RFC1: variants seen among roughly 807,000 people sequenced by gnomAD.
RFC1 encodes A1 140 kDa subunit.
In RFC1, 37 loss-of-function variants were observed where a neutral mutation model predicts 137.4. The ratio of observed to expected loss-of-function variants is 0.27; its 90% CI spans 0.21 to 0.35. RFC1 has a LOEUF of 0.35. Ranked by LOEUF, RFC1 falls within the 10% of genes least tolerant of loss-of-function variation. The pLI, the probability that RFC1 is intolerant of heterozygous loss-of-function variation, is 1.00. For synonymous variants in RFC1, 429 were observed against 455.7 expected, an observed-to-expected ratio of 0.94 and a Z score of 0.75; for missense variants, 1,205 against 1,358.5, an observed-to-expected ratio of 0.89 and a Z score of 1.78.
intron 9 of RFC1, 24 bp downstream of exon 9, chr4:39,320,359 A>T (rs775958290): frequency 6.8e-5 from 100 of 1,467,456 alleles, no homozygotes; most frequent in Non-Finnish European, 8.1e-5. Context: ...CAAAAAAAAA[A>T]AAAAAAAAAA....
chr4:39,359,583 G>C (rs1741645769), intron 1 of RFC1, among the ~76,000 whole-genome samples: 1 of 152,122 alleles, frequency 6.6e-6, no homozygotes. Flanking sequence ...AGCACTTTAG[G>C]AGGCCGAGGC....
rs764898433 is a variant in RFC1, at chr4:39,342,517, T to C, written c.209-50A>G. 11 of 1,567,558 alleles carry C rather than the reference T, an allele frequency of 7.0e-6. No individual in the cohort carries two copies. The South Asian group carries it at 1.0e-4, about 14-fold the overall frequency. ...AAAACTTTGAAAAGAACTATTATAA[T>C]ATAGTGCATGTTTAAAGTAGTCACG... On this transcript the variant is annotated intron_variant, in intron 3 of 24. Transcript: ENST00000349703.
chr4:39,360,491 G>A (rs557584849), intron 1 of RFC1, among the ~76,000 whole-genome samples: 42 of 151,642 alleles, frequency 2.8e-4, no homozygotes, highest in South Asian at 1.9e-3. Context: ...GTGACAGGGC[G>A]AGACTCCATC....
At chr4:39,351,188 T>C (rs1430872784) in intron 2 of RFC1, among the ~76,000 whole-genome samples, 160 bp downstream of exon 2, 2 of 136,802 alleles carry the variant, frequency 1.5e-5, no homozygotes, top group East Asian at 2.2e-4. Context: ...GAGGCGGAGC[T>C]TGCAGTCTGC....
Position 39,289,913 on chromosome 4 carries a change from T to G in RFC1, c.3295A>C (p.Asn1099His), listed in dbSNP as rs1291228921. Residue 1099 changes from asparagine (N) to histidine (H), a missense_variant, in exon 24 of 25, where the codon AAT becomes CAT. Asn to His is a moderately conservative substitution (Grantham distance 68). Around this residue, in one of 3 missense-constraint regions of RFC1, gnomAD observed 237 missense variants for 304.2 expected, o/e 0.78. Coordinates refer to ENST00000349703, the MANE Select transcript of RFC1 (RefSeq NM_002913.5). ...SLDSEYNEEL[N>H]EDDSQSDEKD... ...TCATCAGATTGAGAGTCATCTTCAT[T>G]TAATTCTTCATTGTATTCCGAATCC... 1.9e-6 allele frequency: 3 copies of G among 1,613,184 alleles called. No individual in the cohort carries two copies. In the African/African-American group the frequency reaches 4.0e-5, roughly 22 times the overall value.
At chr4:39,313,522 A>G (rs915042096) in intron 10 of RFC1, among the ~76,000 whole-genome samples, 8 of 152,230 alleles carry the variant, frequency 5.3e-5, no homozygotes, top group Admixed American at 5.2e-4. Context: ...AGAGCTAAGT[A>G]GGATCTTAAC....
chr4:39,289,780 C>T, intron 24 of RFC1, 68 bp downstream of exon 24: 2 of 1,071,366 alleles, frequency 1.9e-6, no homozygotes, highest in South Asian at 2.6e-5. Flanking sequence ...TGAAAAGGCC[C>T]TATTATTCAC....
intron 15 of RFC1, among the ~76,000 whole-genome samples, chr4:39,303,394 C>G (rs1395374875): frequency 6.6e-6 from 1 of 151,828 alleles, no homozygotes; most frequent in African/African-American, 2.4e-5. Context: ...AAACAACAGT[C>G]TCTTATATGT....
At chr4:39,325,643 A>G (rs1303144958) in intron 6 of RFC1, among the ~76,000 whole-genome samples, 3 of 152,134 alleles carry the variant, frequency 2.0e-5, no homozygotes, top group Admixed American at 6.5e-5. Context: ...TCGGCCTCCC[A>G]AAGTGCTGGG....
chr4:39,330,538 C>T (rs187027264), intron 4 of RFC1, among the ~76,000 whole-genome samples: 1 of 152,230 alleles, frequency 6.6e-6, no homozygotes, highest in African/African-American at 2.4e-5. Flanking sequence ...CACTCTTGAC[C>T]ACAATCAGCT....
chr4:39,319,016 A>G (rs1739386465), intron 9 of RFC1, among the ~76,000 whole-genome samples: 1 of 152,196 alleles, frequency 6.6e-6, no homozygotes, highest in African/African-American at 2.4e-5. Flanking sequence ...AAAGATATTC[A>G]TTATCTCATC....
At chr4:39,357,394 T>C (rs762348037) in intron 1 of RFC1, among the ~76,000 whole-genome samples, 2 of 152,180 alleles carry the variant, frequency 1.3e-5, no homozygotes, top group Non-Finnish European at 2.9e-5. Flanking sequence ...AGTTTCCAGG[T>C]ACCTGATCCA....
At chr4:39,348,104 C>A (rs889849189) in intron 2 of RFC1, among the ~76,000 whole-genome samples, 2 of 152,056 alleles carry the variant, frequency 1.3e-5, no homozygotes, top group African/African-American at 4.8e-5. Context: ...TTGTAAAATT[C>A]TCAGCCTGTC....
intron 9 of RFC1, 86 bp downstream of exon 9, chr4:39,320,297 C>G: frequency 8.0e-7 from 1 of 1,245,826 alleles, no homozygotes; most frequent in Non-Finnish European, 1.1e-6. Flanking sequence ...TGCAGTGAGC[C>G]GAGATTGTGC....
At chr4:39,345,356 T>C (rs370252424) in intron 3 of RFC1, 45 bp downstream of exon 3, 17 of 1,512,810 alleles carry the variant, frequency 1.1e-5, no homozygotes, top group Non-Finnish European at 1.1e-5. Context: ...CTAAGGGATA[T>C]ACAATAACTT....
At chr4:39,314,617 C>T (rs1446187124) in intron 10 of RFC1, among the ~76,000 whole-genome samples, 4 of 151,950 alleles carry the variant, frequency 2.6e-5, no homozygotes, top group Non-Finnish European at 5.9e-5. Flanking sequence ...CTTGTTTGGT[C>T]TCTCATACCC....
chr4:39,342,486 TAAAAC>T lies in RFC1; in HGVS notation c.209-24_209-20del, dbSNP rs771302979. On this transcript the variant is annotated intron_variant, in intron 3 of 24. Coordinates refer to ENST00000349703, the MANE Select transcript of RFC1 (RefSeq NM_002913.5). ...TCTGAATCTGTATGTGAGAGAAAAA[TAAAAC>T]AAAACTTTGAAAAGAACTATTATAA... is the stretch of plus-strand genomic sequence containing the variant. 38 of 1,607,364 alleles carry T rather than the reference TAAAAC, an allele frequency of 2.4e-5. 1 individual carries two copies. Among genetic ancestry groups the T allele is most frequent in the East Asian group, 9.0e-5 (4 of 44,618 alleles).
intron 2 of RFC1, among the ~76,000 whole-genome samples, chr4:39,346,575 G>A (rs550595961): frequency 7.3e-4 from 111 of 151,858 alleles, no homozygotes; most frequent in African/African-American, 2.5e-3. Flanking sequence ...AATTTTCTCA[G>A]AAAGCATCAA....
rs748440897 is a variant in RFC1, at chr4:39,308,960, T to C, written c.1561A>G (p.Lys521Glu). Residue 521 changes from lysine to glutamate, a missense_variant, in exon 13 of 25, where the codon AAA (lysine) becomes GAA (glutamate). Physicochemically the swap from Lys to Glu is moderately conservative, Grantham distance 56. Around this residue, in one of 3 missense-constraint regions of RFC1, gnomAD observed 962 missense variants for 1,035.3 expected, o/e 0.93. Coordinates refer to ENST00000349703, the MANE Select transcript of RFC1 (RefSeq NM_002913.5). ...CTCTTTTTAGATTCTGATTCCTTTT[T>C]AGATGGACTAATTTTTCTTTTTCCT... ...VQGKRKISPS[K>E]KESESKKSRP... 4 of 1,613,760 alleles carry C rather than the reference T, an allele frequency of 2.5e-6. No homozygotes were observed. Among genetic ancestry groups the C allele is most frequent in the East Asian group, 2.2e-5 (1 of 44,886 alleles).
Sources: gnomAD v4.1 joint callset for allele counts (sites outside exome capture counted in the v4.1 genomes callset) on GRCh38, gnomAD v4.1.1 for gene constraint, gnomAD v4.1.1 regional missense constraint, MANE v1.5 for transcripts, NCBI Gene and HGNC (gene_info 2026-07-23, HGNC 2026-07-21) for gene names.